Variants in ST18 observed in about 807,000 individuals in gnomAD.
ST18 encodes the protein suppression of tumorigenicity 18 protein.
ST18 carries 50 observed loss-of-function variants against 110.0 expected under a neutral mutation model. That is an observed-to-expected ratio of 0.45 (90% CI 0.36 to 0.58). The LOEUF (loss-of-function observed/expected upper bound fraction) is 0.58. Ranked by LOEUF, ST18 falls within the 20% of genes least tolerant of loss-of-function variation. The probability of loss-of-function intolerance (pLI) is 0.00; values close to 1 mark genes in which losing one functional copy is unlikely to be tolerated. For missense variants in ST18, 1,306 were observed against 1,280.1 expected, an observed-to-expected ratio of 1.02 and a Z score of -0.31; for synonymous variants, 461 against 452.4, an observed-to-expected ratio of 1.02 and a Z score of -0.24.
In ST18 at chr8:52,138,132, A is replaced by G. The variant is rs999550864; in HGVS notation, c.2169-649T>C. ...AAAAAGAAAAGAAAAAGAAAAATACATATGTTATAAAAAATAAATATTAGA... is the reference window on the plus strand; with the variant it reads ...AAAAAGAAAAGAAAAAGAAAAATACGTATGTTATAAAAAATAAATATTAGA... On this transcript the variant is annotated intron_variant, in intron 17 of 25. Transcript: ENST00000689386. Among the ~76,000 whole-genome samples, 18 of 151,738 alleles carry G rather than the reference A, an allele frequency of 1.2e-4. 1 individual carries two copies. Among genetic ancestry groups the G allele is most frequent in the Admixed American group, 2.0e-4 (3 of 15,238 alleles).
intron 2 of ST18, among the ~76,000 whole-genome samples, chr8:52,275,968 T>C (rs1224953188): frequency 7.5e-6 from 1 of 133,724 alleles, no homozygotes; most frequent in African/African-American, 2.8e-5. Flanking sequence ...ACACACACCA[T>C]ATGCATACCA....
chr8:52,271,917 G>A (rs1047734882), intron 2 of ST18, among the ~76,000 whole-genome samples: 6 of 152,194 alleles, frequency 3.9e-5, no homozygotes, highest in Non-Finnish European at 7.3e-5. Context: ...CCATCAAATC[G>A]AAGAGAGAGC....
intron 2 of ST18, among the ~76,000 whole-genome samples, chr8:52,357,024 T>C (rs1458583797): frequency 6.6e-6 from 1 of 152,086 alleles, no homozygotes; most frequent in Non-Finnish European, 1.5e-5. Flanking sequence ...ATGACACATA[T>C]TTACCTATGT....
At chr8:52,139,645 C>A (rs574378674) in intron 17 of ST18, among the ~76,000 whole-genome samples, 1 of 152,186 alleles carries the variant, frequency 6.6e-6, no homozygotes, top group Non-Finnish European at 1.5e-5. Context: ...CATGAGCCAC[C>A]GCGCCCGGCC....
intron 2 of ST18, among the ~76,000 whole-genome samples, chr8:52,340,268 C>T (rs1330781127): frequency 6.6e-6 from 1 of 152,248 alleles, no homozygotes; most frequent in African/African-American, 2.4e-5. Context: ...AGCTAAAGCA[C>T]AGAACTATTC....
chr8:52,398,225 T>C (rs1173553617), intron 2 of ST18, among the ~76,000 whole-genome samples: 1 of 152,190 alleles, frequency 6.6e-6, no homozygotes, highest in Admixed American at 6.5e-5. Context: ...CCAGCTTGGA[T>C]GTTATTTATG....
At chr8:52,401,164 G>T (rs1218204824) in intron 2 of ST18, among the ~76,000 whole-genome samples, 2 of 151,958 alleles carry the variant, frequency 1.3e-5, no homozygotes, top group African/African-American at 4.8e-5. Flanking sequence ...CTTCTGGCTT[G>T]CAAGGTTTCT....
chr8:52,307,011 G>C (rs999539185), intron 2 of ST18, among the ~76,000 whole-genome samples: 1 of 152,086 alleles, frequency 6.6e-6, no homozygotes, highest in Admixed American at 6.6e-5. Flanking sequence ...TTCAAACTGA[G>C]GTTTTGTCTA....
chr8:52,409,759 AACGCAG>A (rs1211706931), upstream of ST18: 1 of 152,288 alleles, frequency 6.6e-6, no homozygotes, highest in Non-Finnish European at 1.5e-5. Context: ...ATAGAATCAG[AACGCAG>A]AGGCGCTGCA....
At chr8:52,299,681 TCTGTCAATCAC>T (rs1475355248) in intron 2 of ST18, among the ~76,000 whole-genome samples, 3 of 152,228 alleles carry the variant, frequency 2.0e-5, no homozygotes, top group Non-Finnish European at 4.4e-5. Flanking sequence ...TGTTTGCTCT[TCTGTCAATCAC>T]CTGAAAGTAG....
At chr8:52,369,015 C>T (rs947470618) in intron 2 of ST18, among the ~76,000 whole-genome samples, 5 of 152,072 alleles carry the variant, frequency 3.3e-5, no homozygotes, top group Non-Finnish European at 5.9e-5. Flanking sequence ...GTCAGTCCTT[C>T]GCTTGACAAC....
At chr8:52,217,623 G>A (rs1274877251) in intron 6 of ST18, 123 bp downstream of exon 6, 1 of 152,134 alleles carries the variant, frequency 6.6e-6, no homozygotes. Context: ...AGGAAAACAT[G>A]CAAGAGCTAA....
rs182476635 is a variant in ST18, at chr8:52,315,863, A to C, written c.-464-85786T>G. On this transcript the variant is annotated intron_variant, in intron 2 of 25. Transcript: ENST00000689386. ...CTCTTTCTTCTGCTGTTTTTAAAAT[A>C]CTCAAGTCAAACAAGAAAAAAGCCT... Among the ~76,000 whole-genome samples, 914 of 152,318 alleles carry C rather than the reference A, an allele frequency of 6.0e-3. 7 individuals are homozygous for C. The highest frequency in any genetic ancestry group is 8.9e-3 in the Non-Finnish European group (606 of 68,022).
chr8:52,389,751 C>T (rs1315610672), intron 2 of ST18, among the ~76,000 whole-genome samples: 1 of 152,180 alleles, frequency 6.6e-6, no homozygotes, highest in African/African-American at 2.4e-5. Flanking sequence ...CTGCGTCGTG[C>T]AGGTCCCCTG....
chr8:52,398,139 T>C (rs866711352), intron 2 of ST18, among the ~76,000 whole-genome samples: 1 of 152,188 alleles, frequency 6.6e-6, no homozygotes, highest in Non-Finnish European at 1.5e-5. Flanking sequence ...AGCATACAAA[T>C]CTTTCACTGT....
intron 17 of ST18, among the ~76,000 whole-genome samples, chr8:52,140,076 CAAAG>C (rs2054308398): frequency 6.6e-6 from 1 of 152,140 alleles, no homozygotes; most frequent in African/African-American, 2.4e-5. Context: ...CTAATCTAGA[CAAAG>C]TTTTTGGTAA....
chr8:52,353,119 G>A (rs1472033459), intron 2 of ST18, among the ~76,000 whole-genome samples: 1 of 152,202 alleles, frequency 6.6e-6, no homozygotes, highest in Non-Finnish European at 1.5e-5. Flanking sequence ...GGAGTAAGAT[G>A]TGGATATAAA....
chr8:52,203,764 C>T (rs143802916), intron 8 of ST18, among the ~76,000 whole-genome samples: 1 of 152,216 alleles, frequency 6.6e-6, no homozygotes, highest in African/African-American at 2.4e-5. Context: ...ATTGGAGGTG[C>T]TGAAGAGTGC....
At chr8:52,117,863 G>A (rs1392957406) in intron 24 of ST18, among the ~76,000 whole-genome samples, 1 of 152,202 alleles carries the variant, frequency 6.6e-6, no homozygotes, top group African/African-American at 2.4e-5. Context: ...GAAGAATGCA[G>A]AATTGAGAAA....
Sources: gnomAD v4.1 joint callset for allele counts (sites outside exome capture counted in the v4.1 genomes callset) on GRCh38, gnomAD v4.1.1 for gene constraint, MANE v1.5 for transcripts, NCBI Gene and HGNC (gene_info 2026-07-23, HGNC 2026-07-21) for gene names.